Variants in NEB observed in about 807,000 individuals in gnomAD.
NEB encodes the protein nebulin.
A neutral mutation model predicts 952.2 loss-of-function variants in NEB; 512 were observed. That is an observed-to-expected ratio of 0.54 (90% confidence interval 0.50 to 0.58). The LOEUF (loss-of-function observed/expected upper bound fraction) is 0.58. Ranked by LOEUF, NEB falls within the 20% of genes least tolerant of loss-of-function variation. NEB has a pLI of 0.00. For missense variants in NEB, 8,428 were observed against 9,231.1 expected (o/e 0.91, Z 3.56); for synonymous variants, 2,900 against 3,149.8 (o/e 0.92, Z 2.66).
At chr2:151,621,907 A>ATC (rs1165696275) in intron 71 of NEB, among the ~76,000 whole-genome samples, 1 of 152,210 alleles carries the variant, frequency 6.6e-6, no homozygotes, top group Admixed American at 6.5e-5. Flanking sequence ...AATTTATTGG[A>ATC]TCTCTTAATG....
Position 151,485,944 on chromosome 2 carries a change from G to A in NEB, c.25405-11C>T. ...GGCACGGAAGATTTTCTATTCGTGG[G>A]GATGGAAAAGGGGAAATATTATATG... On this transcript the variant is annotated splice_polypyrimidine_tract_variant and intron_variant, in intron 181 of 181. Transcript: ENST00000397345. The A allele has an allele frequency of 6.2e-7, 1 of 1,612,824 alleles. No individual in the cohort carries two copies. The highest frequency in any genetic ancestry group is 1.1e-5 in the South Asian group (1 of 91,042).
intron 145 of NEB, among the ~76,000 whole-genome samples, chr2:151,530,102 GT>G (rs555142334): frequency 6.6e-5 from 10 of 152,162 alleles, no homozygotes; most frequent in Middle Eastern, 3.4e-3. Context: ...GGCAAAAACT[GT>G]TTATCATCCA....
chr2:151,684,687 T>G, intron 28 of NEB, 91 bp downstream of exon 28: 1 of 1,249,430 alleles, frequency 8.0e-7, no homozygotes, highest in Non-Finnish European at 1.1e-6. Flanking sequence ...TGCAGATACC[T>G]CTAAGAAGTG....
Position 151,640,450 on chromosome 2 carries a change from C to G in NEB, c.8590G>C (p.Asp2864His). Residue 2864 changes from aspartate to histidine, a missense_variant, in exon 61 of 182, where the codon GAT (aspartate) becomes CAT (histidine). Physicochemically the swap from Asp to His is moderately conservative, Grantham distance 81. This residue lies in a region of NEB where 1,772 missense variants were observed against 1,960.3 expected (regional missense o/e 0.90). Coordinates refer to ENST00000397345, the MANE Select transcript of NEB (RefSeq NM_001164508.2). ...TGCAGGTAGTTCTTGTAGTCCACATCGCTGACTAAGGTCTGGCACTTCTTG... is the reference window on the plus strand; with the variant it reads ...TGCAGGTAGTTCTTGTAGTCCACATGGCTGACTAAGGTCTGGCACTTCTTG... ...LAKKCQTLVS[D>H]VDYKNYLHQW... The G allele has an allele frequency of 6.2e-7, 1 of 1,613,956 alleles. No individual in the cohort carries two copies.
At chr2:151,636,943 A>G (rs2098773207) in intron 63 of NEB, among the ~76,000 whole-genome samples, 2 of 152,234 alleles carry the variant, frequency 1.3e-5, no homozygotes, top group Non-Finnish European at 2.9e-5. Flanking sequence ...TACAGGAAAA[A>G]TTAAGCTGAA....
chr2:151,501,829 A>G (rs2064830075), intron 167 of NEB, among the ~76,000 whole-genome samples: 1 of 151,970 alleles, frequency 6.6e-6, no homozygotes, highest in African/African-American at 2.4e-5. Flanking sequence ...GGAACCAAAG[A>G]AAGAGGAGAG....
At chr2:151,680,944 T>A in intron 29 of NEB, 116 bp from the exon 30 acceptor site, 1 of 825,746 alleles carries the variant, frequency 1.2e-6, no homozygotes, top group African/African-American at 1.7e-5. Flanking sequence ...GATTTTAAAA[T>A]GCAAAAACAC....
chr2:151,700,703 T>C (rs1252997836), intron 13 of NEB, among the ~76,000 whole-genome samples: 11 of 110,194 alleles, frequency 1.0e-4, no homozygotes, highest in African/African-American at 2.8e-4. Flanking sequence ...GTGATTTTTG[T>C]ACATTGATTT....
chr2:151,503,347 A>G lies in NEB; in HGVS notation c.23835+2T>C, dbSNP rs754895962. 1 of 1,597,674 alleles carries G rather than the reference A, an allele frequency of 6.3e-7. No individual in the cohort carries two copies. The highest frequency in any genetic ancestry group is 8.6e-7 in the Non-Finnish European group (1 of 1,166,068). On this transcript the variant is annotated splice_donor_variant, in intron 166 of 181. Coordinates refer to ENST00000397345, the MANE Select transcript of NEB (RefSeq NM_001164508.2). LOFTEE classifies it high-confidence loss of function. Reference sequence around the variant, plus strand: ...TTTCTTATATGATATATTTGTAAATACCGAGCTAAAGTTCTCTTGATTGCG... The same window carrying G: ...TTTCTTATATGATATATTTGTAAATGCCGAGCTAAAGTTCTCTTGATTGCG...
rs2089246725 is a variant in NEB, at chr2:151,601,486, A to G, written c.13476+415T>C. Among the ~76,000 whole-genome samples, 3 of 117,702 alleles carry G rather than the reference A, an allele frequency of 2.5e-5. 1 individual carries two copies. In the Admixed American group the frequency reaches 2.6e-4, roughly 10 times the overall value. 77.2% of individuals were successfully genotyped at this position (117,702 alleles called of 152,430 possible). On this transcript the variant is annotated intron_variant, in intron 88 of 181. Coordinates refer to ENST00000397345, the MANE Select transcript of NEB (RefSeq NM_001164508.2). ...TAACCCTATCTACGTGGAAAAAAACAGTATATTTCTAGCACACATTAAAAC... is the reference window on the plus strand; with the variant it reads ...TAACCCTATCTACGTGGAAAAAAACGGTATATTTCTAGCACACATTAAAAC...
intron 135 of NEB, among the ~76,000 whole-genome samples, chr2:151,543,874 C>T (rs926457913): frequency 3.1e-4 from 47 of 152,224 alleles, no homozygotes; most frequent in African/African-American, 1.1e-3. Flanking sequence ...CTTGGGACAA[C>T]GTCCCTGCTT....
intron 165 of NEB, among the ~76,000 whole-genome samples, chr2:151,504,485 T>C (rs774803894): frequency 6.6e-6 from 1 of 152,178 alleles, no homozygotes; most frequent in Non-Finnish European, 1.5e-5. Flanking sequence ...TAAATGAAAT[T>C]TGTACCACAA....
chr2:151,657,893 T>A, intron 48 of NEB, 90 bp downstream of exon 48: 1 of 861,856 alleles, frequency 1.2e-6, no homozygotes. Context: ...GTTTTTCATA[T>A]TGTGTCCACT....
At chr2:151,534,340 A>G in intron 142 of NEB, 1 of 1,596,168 alleles carries the variant, frequency 6.3e-7, no homozygotes, top group South Asian at 1.1e-5. Context: ...ATCATAGCAT[A>G]TTATAGCAAG....
chr2:151,674,572 G>T lies in NEB; in HGVS notation c.3892C>A (p.Arg1298=), dbSNP rs766892385. The T allele has an allele frequency of 7.5e-6, 12 of 1,609,368 alleles. No homozygotes were observed. In the Admixed American group the frequency reaches 1.0e-4, roughly 13 times the overall value. The change falls in exon 36 of 182, where the codon CGG becomes AGG. Residue 1298 remains arginine (R), a synonymous_variant. Coordinates refer to ENST00000397345, the MANE Select transcript of NEB (RefSeq NM_001164508.2). ...TTGGCTATTAAGTCATACCAATCCC[G>T]TTTATAACAGACCTGGACAGAAAAG... is the stretch of plus-strand genomic sequence containing the variant. The part of the protein sequence containing the change: ...AYNISDVCYK[R]DWYDLIAKGN...
chr2:151,499,225 T>G, intron 169 of NEB, 73 bp downstream of exon 169: 1 of 814,632 alleles, frequency 1.2e-6, no homozygotes, highest in Non-Finnish European at 1.9e-6. Context: ...GTTGATTAGA[T>G]TTTTAAAATC....
At chr2:151,579,080 CAAAAAAAAAAA>C (rs1159995102) in intron 105 of NEB, among the ~76,000 whole-genome samples, 4 of 31,714 alleles carry the variant, frequency 1.3e-4, no homozygotes, top group East Asian at 8.7e-4. Context: ...GACTCCATCT[CAAAAAAAAAAA>C]AAAAAAAAAA....
At chr2:151,537,402 G>A (rs2093363639) in intron 140 of NEB, among the ~76,000 whole-genome samples, 166 bp from the exon 141 acceptor site, 1 of 151,992 alleles carries the variant, frequency 6.6e-6, no homozygotes, top group Non-Finnish European at 1.5e-5. Flanking sequence ...ACTGACCTTT[G>A]GTATATTGTT....
intron 9 of NEB, among the ~76,000 whole-genome samples, chr2:151,722,837 C>T (rs1023369310): frequency 2.0e-5 from 3 of 152,158 alleles, no homozygotes; most frequent in Non-Finnish European, 4.4e-5. Flanking sequence ...GGGTGAGTCA[C>T]CACATCCAGC....
Sources: gnomAD v4.1 joint callset for allele counts (sites outside exome capture counted in the v4.1 genomes callset) on GRCh38, gnomAD v4.1.1 for gene constraint, gnomAD v4.1.1 regional missense constraint, MANE v1.5 for transcripts, NCBI Gene and HGNC (gene_info 2026-07-23, HGNC 2026-07-21) for gene names.